SETBP1: variants seen among roughly 807,000 people sequenced by gnomAD.
SETBP1 encodes SET-binding protein.
Under a neutral mutation model 101.0 loss-of-function variants are expected in SETBP1, and 9 were observed. The ratio of observed to expected loss-of-function variants is 0.09; its 90% CI spans 0.05 to 0.16. The LOEUF (loss-of-function observed/expected upper bound fraction) is 0.16, where lower values mean the gene tolerates loss of function less well. Among genes scored for constraint, SETBP1 ranks in the 10% least tolerant of loss-of-function variants. SETBP1 has a pLI of 1.00. For synonymous variants in SETBP1, 818 were observed against 788.5 expected (o/e 1.04, Z -0.63); for missense variants, 1,858 against 2,033.8 (o/e 0.91, Z 1.66).
Position 44,953,245 on chromosome 18 carries a change from G to T in SETBP1, c.3905G>T (p.Ser1302Ile). Residue 1302 changes from serine (S) to isoleucine (I), a missense_variant, in exon 4 of 6, where the codon AGC (serine) becomes ATC (isoleucine). Around this residue, in one of 12 missense-constraint regions of SETBP1, gnomAD observed 417 missense variants for 389.1 expected, o/e 1.07. Transcript: ENST00000649279. ...DSDVSGSKRR[S>I]YEGFGTYREK... ...GACGTGAGTGGGAGTAAAAGGAGGA[G>T]CTATGAAGGCTTTGGAACGTACAGG... 2 of 1,614,146 alleles carry T rather than the reference G, an allele frequency of 1.2e-6. No homozygotes were observed. The highest frequency in any genetic ancestry group is 1.7e-6 in the Non-Finnish European group (2 of 1,180,044).
At chr18:45,062,663 C>A (rs146136052) in intron 5 of SETBP1, among the ~76,000 whole-genome samples, 1 of 152,096 alleles carries the variant, frequency 6.6e-6, no homozygotes, top group African/African-American at 2.4e-5. Flanking sequence ...TAAATTGAAT[C>A]GGATCAAATG....
intron 3 of SETBP1, among the ~76,000 whole-genome samples, chr18:44,946,721 G>A (rs917313176): frequency 1.3e-5 from 2 of 152,122 alleles, no homozygotes; most frequent in Admixed American, 6.5e-5. Context: ...AGAGCTTTCT[G>A]GGTGCTTGGC....
At chr18:44,780,235 C>G (rs1272584643) in intron 2 of SETBP1, among the ~76,000 whole-genome samples, 1 of 152,154 alleles carries the variant, frequency 6.6e-6, no homozygotes, top group African/African-American at 2.4e-5. Context: ...CCTCTCTTCC[C>G]CTGCCTTTTC....
At position 44,950,097 on chromosome 18, in the gene SETBP1, G is replaced by A. The variant is rs149472556; in HGVS notation, c.757G>A (p.Ala253Thr). The change falls in exon 4 of 6, where the codon GCT becomes ACT. Residue 253 changes from alanine to threonine, a missense_variant. Physicochemically the swap from Ala to Thr is moderately conservative, Grantham distance 58. Around this residue, in one of 12 missense-constraint regions of SETBP1, gnomAD observed 581 missense variants for 535.1 expected, o/e 1.09. Transcript: ENST00000649279. ...RETASTSKIP[A>T]LEPVASFAKA... ...AACTGCAAGCACCAGCAAGATCCCC[G>A]CTCTTGAGCCCGTGGCTTCCTTTGC... is the stretch of plus-strand genomic sequence containing the variant. 73 of 1,614,112 alleles carry A rather than the reference G, an allele frequency of 4.5e-5. No individual in the cohort carries two copies. Among genetic ancestry groups the A allele is most frequent in the African/African-American group, 4.0e-4 (30 of 75,054 alleles).
chr18:44,917,978 G>A (rs1353467516), intron 3 of SETBP1, among the ~76,000 whole-genome samples: 1 of 152,120 alleles, frequency 6.6e-6, no homozygotes, highest in African/African-American at 2.4e-5. Context: ...GTGCTCATGT[G>A]CCCTTAAATG....
intron 3 of SETBP1, among the ~76,000 whole-genome samples, chr18:44,900,865 C>T (rs1300637987): frequency 6.6e-6 from 1 of 152,150 alleles, no homozygotes; most frequent in African/African-American, 2.4e-5. Flanking sequence ...TGAGTAATTG[C>T]CCAAGGGCAC....
intron 3 of SETBP1, among the ~76,000 whole-genome samples, chr18:44,891,480 TG>T (rs895659360): frequency 3.9e-5 from 6 of 152,130 alleles, no homozygotes; most frequent in African/African-American, 1.4e-4. Flanking sequence ...TGGATTATAT[TG>T]GGCCTCATTA....
rs116405674 is a variant in SETBP1 at position 44,788,154 on chromosome 18, C to T, written c.487-81076C>T. ...CCTCAGAGTGTAGAATCTTAGTTTC[C>T]GCTGGCTCCTGGGAAAAGCCATTCC... On this transcript the variant is annotated intron_variant, in intron 2 of 5. Coordinates refer to ENST00000649279, the MANE Select transcript of SETBP1 (RefSeq NM_015559.3). 8.4e-3 allele frequency among the ~76,000 whole-genome samples: 1,273 copies of T among 151,928 alleles called. 16 individuals are homozygous for T. Among genetic ancestry groups the T allele is most frequent in the African/African-American group, 0.029 (1,183 of 41,418 alleles).
intron 4 of SETBP1, among the ~76,000 whole-genome samples, chr18:44,954,121 A>G (rs907257054): frequency 6.6e-6 from 1 of 152,000 alleles, no homozygotes; most frequent in Non-Finnish European, 1.5e-5. Context: ...TACTAGAAGG[A>G]TCCTATTCCT....
intron 2 of SETBP1, among the ~76,000 whole-genome samples, chr18:44,785,870 C>T (rs372984683): frequency 3.7e-4 from 57 of 152,144 alleles, no homozygotes; most frequent in African/African-American, 1.3e-3. Flanking sequence ...GGTATCATTG[C>T]CTTATAAGTA....
At chr18:44,960,205 C>A (rs998320259) in intron 4 of SETBP1, among the ~76,000 whole-genome samples, 1 of 151,938 alleles carries the variant, frequency 6.6e-6, no homozygotes, top group African/African-American at 2.4e-5. Flanking sequence ...CCCATAGTGC[C>A]GTTTTATTGG....
At chr18:44,868,953 A>G (rs1006854282) in intron 2 of SETBP1, among the ~76,000 whole-genome samples, 7 of 152,200 alleles carry the variant, frequency 4.6e-5, no homozygotes, top group Admixed American at 2.6e-4. Context: ...TCCATAGCCC[A>G]TGGTTCCTAA....
intron 3 of SETBP1, among the ~76,000 whole-genome samples, chr18:44,909,070 G>T (rs933278524): frequency 1.3e-5 from 2 of 152,168 alleles, no homozygotes; most frequent in Admixed American, 6.5e-5. Context: ...ACCTGTGTTA[G>T]AATTGAAGAA....
At position 45,064,324 on chromosome 18, in the gene SETBP1, TTC is replaced by T; in HGVS notation, c.*628_*629del. The T allele has an allele frequency of 6.6e-6, 1 of 152,350 alleles. No individual in the cohort carries two copies. The highest frequency in any genetic ancestry group is 1.5e-5 in the Non-Finnish European group (1 of 68,138). 9.4% of individuals were successfully genotyped at this position (152,350 alleles called of 1,614,324 possible). ...AGGCGACCTCAGACCCGCATTCATG[TTC>T]TGTGTGCCTCTTCTATTGCACATAC... On this transcript the variant is annotated 3_prime_UTR_variant, in exon 6 of 6. Coordinates refer to ENST00000649279, the MANE Select transcript of SETBP1 (RefSeq NM_015559.3).
chr18:44,877,522 C>A (rs2069435257), intron 3 of SETBP1: 3 of 243,980 alleles, frequency 1.2e-5, no homozygotes, highest in Non-Finnish European at 2.0e-5. Flanking sequence ...ATCTTTCTTG[C>A]TACTTTTAGG....
intron 2 of SETBP1, among the ~76,000 whole-genome samples, chr18:44,770,050 G>C (rs765370557): frequency 6.6e-6 from 1 of 152,166 alleles, no homozygotes; most frequent in African/African-American, 2.4e-5. Context: ...AGAGGAAAAC[G>C]CTGCTTTCCA....
intron 2 of SETBP1, among the ~76,000 whole-genome samples, chr18:44,723,815 A>G (rs2069653622): frequency 6.6e-6 from 1 of 152,212 alleles, no homozygotes; most frequent in Non-Finnish European, 1.5e-5. Context: ...CTGGCCTGAC[A>G]TGAAAGCTTC....
chr18:44,800,252 A>G (rs905936675), intron 2 of SETBP1, among the ~76,000 whole-genome samples: 2 of 152,190 alleles, frequency 1.3e-5, no homozygotes, highest in Non-Finnish European at 1.5e-5. Flanking sequence ...TAAATTTTAA[A>G]AATGCCTGCT....
intron 2 of SETBP1, among the ~76,000 whole-genome samples, chr18:44,747,947 G>T (rs534778480): frequency 1.3e-5 from 2 of 152,258 alleles, no homozygotes; most frequent in South Asian, 4.2e-4. Flanking sequence ...CAGCCTCCCT[G>T]GCAGAGAGCA....
Sources: gnomAD v4.1 joint callset for allele counts (sites outside exome capture counted in the v4.1 genomes callset) on GRCh38, gnomAD v4.1.1 for gene constraint, gnomAD v4.1.1 regional missense constraint, MANE v1.5 for transcripts, NCBI Gene and HGNC (gene_info 2026-07-23, HGNC 2026-07-21) for gene names.